The following FAM120A variants were observed in gnomAD, a reference collection of about 807,000 sequenced individuals.
FAM120A encodes family with sequence similarity 120 member A, also known as constitutive coactivator of PPAR-gamma-like protein 1.
In FAM120A, 15 loss-of-function variants were observed where a neutral mutation model predicts 109.7. That is an observed-to-expected ratio of 0.14 (90% CI 0.09 to 0.21). The LOEUF is 0.21. Ranked by LOEUF, FAM120A falls within the 10% of genes least tolerant of loss-of-function variation. FAM120A has a pLI of 1.00. For missense variants in FAM120A, 899 were observed against 1,439.3 expected, an observed-to-expected ratio of 0.62 and a Z score of 6.07; for synonymous variants, 493 against 572.8, an observed-to-expected ratio of 0.86 and a Z score of 1.99.
chr9:93,453,295 G>C, intron 1 of FAM120A: 1 of 986,968 alleles, frequency 1.0e-6, no homozygotes, highest in Non-Finnish European at 1.2e-6. Flanking sequence ...CCCTTTGGCA[G>C]AGGGCTTCGC....
intron 5 of FAM120A, among the ~76,000 whole-genome samples, chr9:93,508,794 C>A (rs1860179560): frequency 6.6e-6 from 1 of 152,186 alleles, no homozygotes; most frequent in African/African-American, 2.4e-5. Flanking sequence ...TCATATGTGT[C>A]ACCACAGCCC....
chr9:93,561,674 T>C (rs1862471683), intron 16 of FAM120A, among the ~76,000 whole-genome samples: 1 of 152,172 alleles, frequency 6.6e-6, no homozygotes, highest in Non-Finnish European at 1.5e-5. Flanking sequence ...GGATTACAGG[T>C]GTGAGCCACT....
At position 93,558,755 on chromosome 9, in the gene FAM120A, C is replaced by T. The variant is rs1312454999; in HGVS notation, c.2806+37C>T. 5 of 1,606,306 alleles carry T rather than the reference C, an allele frequency of 3.1e-6. No homozygotes were observed. The South Asian group carries it at 3.3e-5, about 11-fold the overall frequency. ...CACCCCTTCCCAGAGCTTCTGCCTG[C>T]CAGCACTTCCTTCGCTCCATCGTCT... On this transcript the variant is annotated intron_variant, in intron 15 of 17. Coordinates refer to ENST00000277165, the MANE Select transcript of FAM120A (RefSeq NM_014612.5).
At chr9:93,486,008 TC>T (rs1458461264) in intron 3 of FAM120A, among the ~76,000 whole-genome samples, 2 of 152,202 alleles carry the variant, frequency 1.3e-5, no homozygotes, top group Non-Finnish European at 2.9e-5. Context: ...AGAAACTGTG[TC>T]CTACTCTGGA....
chr9:93,548,860 C>CA (rs1365483544), intron 11 of FAM120A, among the ~76,000 whole-genome samples: 6 of 151,974 alleles, frequency 3.9e-5, no homozygotes, highest in Non-Finnish European at 7.4e-5. Flanking sequence ...CTGGCCAACA[C>CA]AGTGAAACCC....
chr9:93,514,984 A>C (rs151064866), intron 5 of FAM120A, among the ~76,000 whole-genome samples: 245 of 152,214 alleles, frequency 1.6e-3, no homozygotes, highest in Non-Finnish European at 2.7e-3. Flanking sequence ...AGATTTCTTC[A>C]TTTTTGCAAG....
chr9:93,498,872 C>G lies in FAM120A; in HGVS notation c.1016C>G (p.Pro339Arg), dbSNP rs1004774705. 6.3e-7 allele frequency: 1 copy of G among 1,591,848 alleles called. No homozygotes were observed. Among genetic ancestry groups the G allele is most frequent in the Non-Finnish European group, 8.6e-7 (1 of 1,159,694 alleles). ...ACTAGTAAGCCTATGTCATTTCATCCACCACATTACTTAGGTAAGTAAATA... is the reference window on the plus strand; with the variant it reads ...ACTAGTAAGCCTATGTCATTTCATCGACCACATTACTTAGGTAAGTAAATA... ...SATSKPMSFH[P>R]PHYLAARPGP... Residue 339 changes from proline (P) to arginine (R), a missense_variant, in exon 5 of 18, where the codon CCA (proline) becomes CGA (arginine). Pro to Arg is a moderately radical substitution (Grantham distance 103, BLOSUM62 -2). Transcript: ENST00000277165. This position sits in a 1 kb window ranked among gnomAD's most constrained non-coding sequence, Gnocchi z 4.4.
rs1247719039 is a variant in FAM120A, at chr9:93,527,249, A to G, written c.1506+7A>G. On this transcript the variant is annotated splice_region_variant and intron_variant, in intron 8 of 17. Coordinates refer to ENST00000277165, the MANE Select transcript of FAM120A (RefSeq NM_014612.5). ...CCCAGGAGACCAAACAAAGGTAGAA[A>G]GTCTATGCCTTTTAGTTTTTGAGTT... is the stretch of plus-strand genomic sequence containing the variant. The G allele has an allele frequency of 6.2e-7, 1 of 1,611,766 alleles. No individual in the cohort carries two copies. The highest frequency in any genetic ancestry group is 2.2e-5 in the East Asian group (1 of 44,862).
At chr9:93,552,049 T>C (rs1862119754) in intron 12 of FAM120A, among the ~76,000 whole-genome samples, 1 of 152,180 alleles carries the variant, frequency 6.6e-6, no homozygotes. Context: ...GGGTTGGAGA[T>C]ACTTTTGCTA....
chr9:93,553,083 T>G (rs1862159011), intron 12 of FAM120A, among the ~76,000 whole-genome samples: 1 of 152,214 alleles, frequency 6.6e-6, no homozygotes, highest in Admixed American at 6.5e-5. Flanking sequence ...CATGAATAAT[T>G]GAGAGTGTTC....
rs1055172870 is a variant in FAM120A, at chr9:93,564,989, T to A, written c.*449T>A. The stretch of plus-strand genomic sequence containing the variant: ...CACAATGAAGCTTTCTTTAAGGCTT[T>A]GATTTTTATGATTATGAAAGAAATA... On this transcript the variant is annotated 3_prime_UTR_variant, in exon 18 of 18. Coordinates refer to ENST00000277165, the MANE Select transcript of FAM120A (RefSeq NM_014612.5). 1 of 153,042 alleles carries A rather than the reference T, an allele frequency of 6.5e-6. No homozygotes were observed. Among genetic ancestry groups the A allele is most frequent in the Admixed American group, 6.5e-5 (1 of 15,294 alleles). The allele number at this position is 153,042 out of a possible 1,614,324, so 9.5% of individuals were successfully genotyped here.
At chr9:93,456,348 C>T (rs1388722397) in intron 1 of FAM120A, among the ~76,000 whole-genome samples, 1 of 152,210 alleles carries the variant, frequency 6.6e-6, no homozygotes, top group Non-Finnish European at 1.5e-5. Flanking sequence ...TAAAGTCCTT[C>T]AGATCTTCTG....
chr9:93,470,571 A>G (rs1858264566), intron 1 of FAM120A, among the ~76,000 whole-genome samples: 1 of 152,194 alleles, frequency 6.6e-6, no homozygotes, highest in South Asian at 2.1e-4. Context: ...AGTTACATTG[A>G]GGGTGAACGT....
intron 3 of FAM120A, among the ~76,000 whole-genome samples, chr9:93,476,689 C>A (rs1858562877): frequency 6.6e-6 from 1 of 152,132 alleles, no homozygotes; most frequent in African/African-American, 2.4e-5. Context: ...TTACTTGTCA[C>A]TTAGAGCAAC....
intron 2 of FAM120A, among the ~76,000 whole-genome samples, chr9:93,474,593 TTTTG>T (rs886089383): frequency 6.6e-6 from 1 of 151,520 alleles, no homozygotes; most frequent in Non-Finnish European, 1.5e-5. Context: ...TTCGTTCTTT[TTTTG>T]TTTGTTTGTT....
rs1862356605 is a variant in FAM120A, at chr9:93,558,136, G to GC, written c.2668+127dup. 4 of 1,019,518 alleles carry GC rather than the reference G, an allele frequency of 3.9e-6. No homozygotes were observed. The South Asian group carries it at 7.2e-5, about 18-fold the overall frequency. 63.2% of individuals were successfully genotyped at this position (1,019,518 alleles called of 1,614,324 possible). On this transcript the variant is annotated intron_variant, in intron 14 of 17. Coordinates refer to ENST00000277165, the MANE Select transcript of FAM120A (RefSeq NM_014612.5). ...CACTGTTGGTCTTGGAGATCCTGCAGCAGCAGTTCTTCAAGTCCGTGAGGA... is the reference window on the plus strand; with the variant it reads ...CACTGTTGGTCTTGGAGATCCTGCAGCCAGCAGTTCTTCAAGTCCGTGAGGA...
chr9:93,482,106 C>T (rs937322830), intron 3 of FAM120A, among the ~76,000 whole-genome samples: 2 of 151,904 alleles, frequency 1.3e-5, no homozygotes, highest in Non-Finnish European at 2.9e-5. Flanking sequence ...CTTTTACCAG[C>T]ATTATCTTTC....
At chr9:93,461,133 C>CT (rs548880878) in intron 1 of FAM120A, among the ~76,000 whole-genome samples, 2 of 152,158 alleles carry the variant, frequency 1.3e-5, no homozygotes, top group African/African-American at 4.8e-5. Flanking sequence ...AGAAACGGTA[C>CT]TTTTATGCGC....
intron 5 of FAM120A, among the ~76,000 whole-genome samples, chr9:93,514,506 A>G (rs372780921): frequency 2.5e-4 from 38 of 152,278 alleles, no homozygotes; most frequent in African/African-American, 8.9e-4. Flanking sequence ...CCCCTGGTGG[A>G]TCTGTTGTGT....
Sources: gnomAD v4.1 joint callset for allele counts (sites outside exome capture counted in the v4.1 genomes callset) on GRCh38, gnomAD v4.1.1 for gene constraint, Gnocchi (gnomAD v3.1) non-coding constraint, MANE v1.5 for transcripts, NCBI Gene and HGNC (gene_info 2026-07-23, HGNC 2026-07-21) for gene names.